The following JARID2 variants were observed in gnomAD, a reference collection of about 807,000 sequenced individuals.
JARID2 encodes the protein jumonji and AT-rich interaction domain containing 2.
JARID2 carries 21 observed loss-of-function variants against 125.6 expected under a neutral mutation model. The observed-to-expected ratio is 0.17, with a 90% confidence interval of 0.12 to 0.24. The LOEUF (loss-of-function observed/expected upper bound fraction) is 0.24. Ranked by LOEUF, JARID2 falls within the 10% of genes least tolerant of loss-of-function variation. The pLI is 1.00. For missense variants in JARID2, 1,303 were observed against 1,639.6 expected (o/e 0.79, Z 3.55); for synonymous variants, 736 against 661.6 (o/e 1.11, Z -1.73).
intron 3 of JARID2, among the ~76,000 whole-genome samples, chr6:15,432,305 A>G (rs1012327121): frequency 2.6e-5 from 4 of 152,024 alleles, no homozygotes; most frequent in South Asian, 2.1e-4. Flanking sequence ...GCTCACGCCT[A>G]TAATCCCAGC....
At chr6:15,464,161 G>A (rs183556419) in intron 4 of JARID2, among the ~76,000 whole-genome samples, 105 of 152,122 alleles carry the variant, frequency 6.9e-4, no homozygotes, top group African/African-American at 2.4e-3. Context: ...CATTTGTCTC[G>A]AGGAGAAAAA....
At chr6:15,261,818 C>G (rs1452168945) in intron 1 of JARID2, among the ~76,000 whole-genome samples, 1 of 143,240 alleles carries the variant, frequency 7.0e-6, no homozygotes, top group African/African-American at 2.6e-5. Context: ...GAGCCTTGCT[C>G]TGTCACCCAG....
At chr6:15,247,447 G>A in intron 1 of JARID2, 1 of 984,224 alleles carries the variant, frequency 1.0e-6, no homozygotes, top group Non-Finnish European at 1.2e-6. Flanking sequence ...TAAGTTTGAG[G>A]GGAGGGAGGA....
chr6:15,309,169 G>A lies in JARID2; in HGVS notation c.45+62585G>A, dbSNP rs901072666. ...TTCATTGTGTTCCATTTTTGACCTC[G>A]GAAGGAACTAAACATTATTTCTCAT... On this transcript the variant is annotated intron_variant, in intron 1 of 17. Coordinates refer to ENST00000341776, the MANE Select transcript of JARID2 (RefSeq NM_004973.4). Among the ~76,000 whole-genome samples, 4 of 152,002 alleles carry A rather than the reference G, an allele frequency of 2.6e-5. No homozygotes were observed. The East Asian group carries it at 5.8e-4, about 22-fold the overall frequency.
intron 1 of JARID2, among the ~76,000 whole-genome samples, chr6:15,339,050 A>G (rs544676077): frequency 1.1e-4 from 16 of 152,306 alleles, no homozygotes; most frequent in Admixed American, 2.0e-4. Context: ...GCATCAGGGA[A>G]GGGGGCAAAC....
At chr6:15,497,584 G>GT (rs1770517842) in intron 7 of JARID2, among the ~76,000 whole-genome samples, 1 of 151,160 alleles carries the variant, frequency 6.6e-6, no homozygotes, top group Non-Finnish European at 1.5e-5. Flanking sequence ...CCAGGAGGCG[G>GT]AGCTTGCAGT....
At chr6:15,277,937 G>A (rs1311291645) in intron 1 of JARID2, among the ~76,000 whole-genome samples, 1 of 152,054 alleles carries the variant, frequency 6.6e-6, no homozygotes, top group Non-Finnish European at 1.5e-5. Context: ...ACAGTGTAAG[G>A]GAAAAACCCC....
rs150438455 is a variant in JARID2, at chr6:15,448,486, T to A, written c.324-3520T>A. 2.4e-3 allele frequency among the ~76,000 whole-genome samples: 361 copies of A among 152,354 alleles called. 8 individuals are homozygous for A. Among genetic ancestry groups the A allele is most frequent in the Non-Finnish European group, 3.8e-4 (26 of 68,036 alleles). On this transcript the variant is annotated intron_variant, in intron 3 of 17. Coordinates refer to ENST00000341776, the MANE Select transcript of JARID2 (RefSeq NM_004973.4). ...CTAAAAAAGCTGTAAACCCTTAACA[T>A]CCTGTTAACATGCAGGCAATATTTC...
chr6:15,355,513 T>C (rs2127487653), intron 1 of JARID2, among the ~76,000 whole-genome samples: 1 of 152,346 alleles, frequency 6.6e-6, no homozygotes, highest in African/African-American at 2.4e-5. Flanking sequence ...TGATTTATTT[T>C]TGCTTATGTA....
At chr6:15,479,670 T>G (rs781688813) in intron 5 of JARID2, among the ~76,000 whole-genome samples, 10 of 152,184 alleles carry the variant, frequency 6.6e-5, no homozygotes, top group Non-Finnish European at 1.3e-4. Flanking sequence ...ACCAGTAGAA[T>G]TTGCTTATGA....
chr6:15,312,045 C>CAA (rs1219909239), intron 1 of JARID2, among the ~76,000 whole-genome samples: 1 of 152,126 alleles, frequency 6.6e-6, no homozygotes, highest in African/African-American at 2.4e-5. Context: ...AAAACAAAAA[C>CAA]AAAAGCTTTC....
At chr6:15,254,356 G>T (rs909884518) in intron 1 of JARID2, among the ~76,000 whole-genome samples, 1 of 152,148 alleles carries the variant, frequency 6.6e-6, no homozygotes, top group Non-Finnish European at 1.5e-5. Flanking sequence ...TCTTGTACTT[G>T]TATCATTGCC....
chr6:15,481,116 C>T (rs1264556503), intron 5 of JARID2, among the ~76,000 whole-genome samples: 3 of 152,226 alleles, frequency 2.0e-5, no homozygotes, highest in Admixed American at 6.5e-5. Context: ...ATCTTACCTT[C>T]TCAGGGATGA....
Position 15,520,522 on chromosome 6 carries a change from A to T in JARID2, c.*271A>T. On this transcript the variant is annotated 3_prime_UTR_variant, in exon 18 of 18. Transcript: ENST00000341776. ...GGGCTGTATTAATTTGTATTGCCCC[A>T]TGGCTGACAAAAGCCTTTTTTTTTG... 1 of 391,446 alleles carries T rather than the reference A, an allele frequency of 2.6e-6. No homozygotes were observed. The allele number at this position is 391,446 out of a possible 1,614,324, so 24.2% of individuals were successfully genotyped here. A position where few individuals can be genotyped will look rare whatever the true frequency, so the allele number is the denominator to read the frequency against.
In JARID2 at chr6:15,408,837, G is replaced by A. The variant is rs184838226; in HGVS notation, c.182-1387G>A. Among the ~76,000 whole-genome samples, 65 of 152,288 alleles carry A rather than the reference G, an allele frequency of 4.3e-4. 1 individual carries two copies. The Middle Eastern group carries it at 0.01, about 24-fold the overall frequency. Reference sequence around the variant, plus strand: ...AACACTGGCCACGCTTTTATCCTTGGATTCTTAGATTTCCATACAGTTGTC... The same window carrying A: ...AACACTGGCCACGCTTTTATCCTTGAATTCTTAGATTTCCATACAGTTGTC... On this transcript the variant is annotated intron_variant, in intron 2 of 17. Coordinates refer to ENST00000341776, the MANE Select transcript of JARID2 (RefSeq NM_004973.4).
chr6:15,457,999 C>T (rs190226999), intron 4 of JARID2, among the ~76,000 whole-genome samples: 17 of 152,208 alleles, frequency 1.1e-4, no homozygotes, highest in Admixed American at 3.3e-4. Context: ...GGTATTTGCC[C>T]GCAGTGTATT....
At chr6:15,470,308 C>T (rs1724839218) in intron 5 of JARID2, among the ~76,000 whole-genome samples, 1 of 152,132 alleles carries the variant, frequency 6.6e-6, no homozygotes, top group Non-Finnish European at 1.5e-5. Context: ...CCACTGAGAC[C>T]CTGTAAGATA....
rs72834587 is a variant in JARID2, at chr6:15,335,186, G to A, written c.46-38931G>A. Among the ~76,000 whole-genome samples the A allele has an allele frequency of 9.1e-3, 1,389 of 152,002 alleles. 12 individuals are homozygous for A. The highest frequency in any genetic ancestry group is 0.024 in the Middle Eastern group (7 of 292). On this transcript the variant is annotated intron_variant, in intron 1 of 17. Coordinates refer to ENST00000341776, the MANE Select transcript of JARID2 (RefSeq NM_004973.4). ...TTGATTTCGGCTCACTGCAACCTCCGTCTCGTGGCTTCAAGCGATTCTCAT... is the reference window on the plus strand; with the variant it reads ...TTGATTTCGGCTCACTGCAACCTCCATCTCGTGGCTTCAAGCGATTCTCAT...
chr6:15,255,615 C>G (rs551164385), intron 1 of JARID2, among the ~76,000 whole-genome samples: 13 of 152,192 alleles, frequency 8.5e-5, no homozygotes, highest in Admixed American at 7.8e-4. Context: ...AGAGCTTGGT[C>G]TGAAGTGGTA....
Sources: gnomAD v4.1 joint callset for allele counts (sites outside exome capture counted in the v4.1 genomes callset) on GRCh38, gnomAD v4.1.1 for gene constraint, MANE v1.5 for transcripts, NCBI Gene and HGNC (gene_info 2026-07-23, HGNC 2026-07-21) for gene names.